PSD3: variants seen among roughly 807,000 people sequenced by gnomAD.
PSD3 encodes PH and SEC7 domain-containing protein 3.
Under a neutral mutation model 105.5 loss-of-function variants are expected in PSD3, and 49 were observed. That is an observed-to-expected ratio of 0.46 (90% CI 0.37 to 0.59). The LOEUF (loss-of-function observed/expected upper bound fraction) is 0.59, where lower values mean the gene tolerates loss of function less well. PSD3 is among the 20% of genes least tolerant of loss of function. The probability of loss-of-function intolerance (pLI) is 0.00; values close to 1 mark genes in which losing one functional copy is unlikely to be tolerated. For missense variants in PSD3, 1,561 were observed against 1,263.8 expected, an observed-to-expected ratio of 1.24 and a Z score of -3.57; for synonymous variants, 557 against 457.8, an observed-to-expected ratio of 1.22 and a Z score of -2.77.
chr8:19,058,436 A>C (rs1462743672), intron 1 of PSD3, among the ~76,000 whole-genome samples: 1 of 148,404 alleles, frequency 6.7e-6, no homozygotes, highest in African/African-American at 2.4e-5. Flanking sequence ...ATGATATATT[A>C]CATTGTAATA....
chr8:18,745,320 T>C (rs1239733019), intron 9 of PSD3, among the ~76,000 whole-genome samples: 1 of 152,218 alleles, frequency 6.6e-6, no homozygotes, highest in Non-Finnish European at 1.5e-5. Flanking sequence ...CCTTTCACAA[T>C]TGTTAAAATT....
At chr8:18,700,405 G>A (rs1275338092) in intron 9 of PSD3, among the ~76,000 whole-genome samples, 1 of 152,160 alleles carries the variant, frequency 6.6e-6, no homozygotes, top group Non-Finnish European at 1.5e-5. Flanking sequence ...GAGTACGGTT[G>A]TTTCTTAAGG....
intron 8 of PSD3, among the ~76,000 whole-genome samples, chr8:18,773,334 T>A (rs1807726814): frequency 6.6e-6 from 1 of 152,214 alleles, no homozygotes; most frequent in African/African-American, 2.4e-5. Context: ...TGCACTCTAT[T>A]CTATTCCATT....
At chr8:18,979,535 C>G (rs990097959) in intron 1 of PSD3, 16 of 152,188 alleles carry the variant, frequency 1.1e-4, no homozygotes, top group African/African-American at 2.9e-4. Context: ...TATTTTACTA[C>G]TAATATCTCC....
At chr8:18,727,557 C>T (rs867555610) in intron 9 of PSD3, among the ~76,000 whole-genome samples, 5 of 129,456 alleles carry the variant, frequency 3.9e-5, no homozygotes, top group African/African-American at 1.7e-4. Flanking sequence ...TCCAAACACA[C>T]ACACACACAC....
At chr8:18,778,490 A>G (rs1422954787) in intron 8 of PSD3, among the ~76,000 whole-genome samples, 1 of 152,110 alleles carries the variant, frequency 6.6e-6, no homozygotes, top group Non-Finnish European at 1.5e-5. Flanking sequence ...TTCCAGTACT[A>G]TATTGAATAT....
intron 15 of PSD3, among the ~76,000 whole-genome samples, chr8:18,539,453 T>C (rs533496449): frequency 1.8e-4 from 27 of 152,336 alleles, no homozygotes; most frequent in African/African-American, 6.0e-4. Context: ...ATTTGCATCT[T>C]TTTTCCTAAG....
At chr8:18,898,747 T>C (rs1313721736) in intron 2 of PSD3, among the ~76,000 whole-genome samples, 1 of 152,176 alleles carries the variant, frequency 6.6e-6, no homozygotes, top group African/African-American at 2.4e-5. Flanking sequence ...ATATTTACTA[T>C]TCATTAAGTG....
At chr8:18,928,669 T>C (rs1190989957) in intron 2 of PSD3, among the ~76,000 whole-genome samples, 1 of 152,104 alleles carries the variant, frequency 6.6e-6, no homozygotes, top group Non-Finnish European at 1.5e-5. Flanking sequence ...TCTCTCTCTC[T>C]TTCTTCCTTC....
intron 15 of PSD3, among the ~76,000 whole-genome samples, chr8:18,552,643 A>T (rs1303354463): frequency 6.6e-6 from 1 of 152,260 alleles, no homozygotes; most frequent in African/African-American, 2.4e-5. Flanking sequence ...ATTTTTAAGT[A>T]AAATGGGAAC....
At chr8:18,928,438 G>A (rs766758954) in intron 2 of PSD3, among the ~76,000 whole-genome samples, 15 of 152,086 alleles carry the variant, frequency 9.9e-5, no homozygotes, top group African/African-American at 1.4e-4. Flanking sequence ...TATTAGCAGC[G>A]TGAGAACAGA....
rs967327242 is a variant in PSD3, at chr8:18,714,279, G to A, written c.2172+51170C>T. ...GCAACAAAAGTAAAAATTGACAAAT[G>A]AAATCTAATTAAACTAAAGAGCTTC... is the stretch of plus-strand genomic sequence containing the variant. On this transcript the variant is annotated intron_variant, in intron 9 of 15. Transcript: ENST00000327040. Among the ~76,000 whole-genome samples, 18 of 152,026 alleles carry A rather than the reference G, an allele frequency of 1.2e-4. 1 individual carries two copies. The highest frequency in any genetic ancestry group is 2.0e-4 in the Admixed American group (3 of 15,268).
At chr8:18,718,008 G>A (rs1365938744) in intron 9 of PSD3, among the ~76,000 whole-genome samples, 1 of 152,130 alleles carries the variant, frequency 6.6e-6, no homozygotes, top group African/African-American at 2.4e-5. Flanking sequence ...GGACTCATGT[G>A]CTTGTGTATT....
intron 12 of PSD3, among the ~76,000 whole-genome samples, chr8:18,576,619 G>C (rs926424880): frequency 1.3e-5 from 2 of 152,078 alleles, no homozygotes; most frequent in Non-Finnish European, 1.5e-5. Flanking sequence ...CATCAGAGTA[G>C]GAATTTCAAC....
At chr8:19,083,567 T>C (rs988200726) in intron 1 of PSD3, among the ~76,000 whole-genome samples, 4 of 152,060 alleles carry the variant, frequency 2.6e-5, no homozygotes, top group African/African-American at 9.7e-5. Flanking sequence ...GTTGGGGAGA[T>C]GGAAGGTACA....
chr8:18,576,346 G>A (rs2130366969), intron 12 of PSD3, among the ~76,000 whole-genome samples: 1 of 152,158 alleles, frequency 6.6e-6, no homozygotes, highest in Admixed American at 6.5e-5. Flanking sequence ...GTTACTTTGG[G>A]ATTGCAACAA....
chr8:19,020,564 C>G (rs563450796), intron 1 of PSD3, among the ~76,000 whole-genome samples: 2 of 152,080 alleles, frequency 1.3e-5, no homozygotes, highest in South Asian at 4.2e-4. Context: ...AGATTTTGAG[C>G]AGAGGGGTAG....
chr8:18,923,766 C>T (rs1821180031), intron 2 of PSD3, among the ~76,000 whole-genome samples: 1 of 152,078 alleles, frequency 6.6e-6, no homozygotes. Context: ...CTTTAGATGA[C>T]ACATGGCTGT....
chr8:18,957,662 G>T (rs1320958057), intron 1 of PSD3, among the ~76,000 whole-genome samples: 1 of 152,210 alleles, frequency 6.6e-6, no homozygotes, highest in Non-Finnish European at 1.5e-5. Flanking sequence ...AACGGCCTCA[G>T]TACCTTATGT....
Sources: allele counts gnomAD v4.1 joint callset (sites outside exome capture counted in the v4.1 genomes callset), GRCh38; gene constraint gnomAD v4.1.1; transcripts MANE v1.5; gene names NCBI Gene and HGNC (gene_info 2026-07-23, HGNC 2026-07-21).